Variants in CDK6 observed in about 807,000 individuals in gnomAD.
CDK6 encodes the protein cyclin dependent kinase 6.
Under a neutral mutation model 37.1 loss-of-function variants are expected in CDK6, and 6 were observed. The observed-to-expected ratio is 0.16, with a 90% confidence interval of 0.09 to 0.32. The LOEUF (loss-of-function observed/expected upper bound fraction) is 0.32, where lower values mean the gene tolerates loss of function less well. Ranked by LOEUF, CDK6 falls within the 10% of genes least tolerant of loss-of-function variation. CDK6 has a pLI of 1.00. For synonymous variants in CDK6, 160 were observed against 161.3 expected, an observed-to-expected ratio of 0.99 and a Z score of 0.06; for missense variants, 224 against 418.9, an observed-to-expected ratio of 0.53 and a Z score of 4.06.
At chr7:92,765,053 A>T (rs1799546367) in intron 3 of CDK6, among the ~76,000 whole-genome samples, 1 of 152,234 alleles carries the variant, frequency 6.6e-6, no homozygotes, top group South Asian at 2.1e-4. Flanking sequence ...AAAGATTTAA[A>T]AAAATAACTT....
At chr7:92,697,177 T>C (rs1797739651) in intron 4 of CDK6, among the ~76,000 whole-genome samples, 1 of 152,226 alleles carries the variant, frequency 6.6e-6, no homozygotes, top group South Asian at 2.1e-4. Flanking sequence ...ATAGTAATCA[T>C]AACTATCGGC....
intron 2 of CDK6, among the ~76,000 whole-genome samples, chr7:92,819,662 TA>T (rs1454741955): frequency 6.6e-6 from 1 of 151,942 alleles, no homozygotes; most frequent in Non-Finnish European, 1.5e-5. Flanking sequence ...GAAACAGAGA[TA>T]ATGTGGAGGA....
chr7:92,682,323 T>C (rs141446755), intron 4 of CDK6, among the ~76,000 whole-genome samples: 89 of 152,346 alleles, frequency 5.8e-4, no homozygotes, highest in African/African-American at 2.1e-3. Flanking sequence ...CCCCTTCAGA[T>C]GAAGGCTTTC....
Position 92,607,917 on chromosome 7 carries a change from A to C in CDK6, c.*7223T>G, listed in dbSNP as rs1178663280. 1.3e-5 allele frequency: 3 copies of C among 233,346 alleles called. No individual in the cohort carries two copies. The highest frequency in any genetic ancestry group is 2.5e-5 in the Non-Finnish European group (3 of 117,952). The allele number at this position is 233,346 out of a possible 1,614,324, so 14.5% of individuals were successfully genotyped here. On this transcript the variant is annotated 3_prime_UTR_variant, in exon 8 of 8. Transcript: ENST00000424848. The stretch of plus-strand genomic sequence containing the variant: ...ATATCATGCACTGTGAGGTTTAAGA[A>C]ATGTATTACTGCTGGGATTTGTTTT...
intron 5 of CDK6, among the ~76,000 whole-genome samples, chr7:92,636,004 A>C (rs1195582460): frequency 2.0e-5 from 3 of 152,148 alleles, no homozygotes; most frequent in Non-Finnish European, 4.4e-5. Context: ...ATTTAAATGC[A>C]ATCTATCCGT....
At chr7:92,769,695 T>C (rs1467804310) in intron 3 of CDK6, among the ~76,000 whole-genome samples, 5 of 152,172 alleles carry the variant, frequency 3.3e-5, no homozygotes, top group Admixed American at 3.3e-4. Flanking sequence ...CAGGAGAATA[T>C]TTTACATAAG....
chr7:92,821,620 A>G (rs1184230539), intron 2 of CDK6, among the ~76,000 whole-genome samples: 2 of 151,256 alleles, frequency 1.3e-5, no homozygotes, highest in Non-Finnish European at 2.9e-5. Context: ...GAACACCACA[A>G]TTTTTTTTCT....
At chr7:92,701,437 G>A (rs1490394502) in intron 4 of CDK6, among the ~76,000 whole-genome samples, 4 of 149,650 alleles carry the variant, frequency 2.7e-5, no homozygotes, top group Non-Finnish European at 5.9e-5. Flanking sequence ...ACGGAGTCTC[G>A]CTCTGTCGCC....
intron 3 of CDK6, among the ~76,000 whole-genome samples, chr7:92,748,382 T>C (rs1305314329): frequency 6.6e-6 from 1 of 152,198 alleles, no homozygotes; most frequent in Non-Finnish European, 1.5e-5. Flanking sequence ...CTGACATCAC[T>C]TTAGGCAATT....
intron 2 of CDK6, among the ~76,000 whole-genome samples, chr7:92,828,860 T>C (rs1801402454): frequency 6.6e-6 from 1 of 152,188 alleles, no homozygotes; most frequent in Non-Finnish European, 1.5e-5. Flanking sequence ...GTGAAAATGT[T>C]TATTTACTAA....
At chr7:92,762,129 A>G (rs1187698658) in intron 3 of CDK6, among the ~76,000 whole-genome samples, 1 of 152,230 alleles carries the variant, frequency 6.6e-6, no homozygotes, top group Non-Finnish European at 1.5e-5. Flanking sequence ...TACAAGATCA[A>G]TTGCTATGAT....
At chr7:92,686,878 T>C (rs902589930) in intron 4 of CDK6, among the ~76,000 whole-genome samples, 1 of 152,164 alleles carries the variant, frequency 6.6e-6, no homozygotes, top group Admixed American at 6.5e-5. Context: ...ATTAGTGATG[T>C]TGGACATTTT....
At chr7:92,751,181 G>T (rs1392036371) in intron 3 of CDK6, among the ~76,000 whole-genome samples, 3 of 152,008 alleles carry the variant, frequency 2.0e-5, no homozygotes, top group Non-Finnish European at 2.9e-5. Context: ...ATTTCTAGTG[G>T]TCTCTCATAA....
chr7:92,746,922 C>T (rs931563770), intron 3 of CDK6, among the ~76,000 whole-genome samples: 2 of 152,068 alleles, frequency 1.3e-5, no homozygotes, highest in African/African-American at 2.4e-5. Flanking sequence ...AAATCAGTAT[C>T]AATTTTGCTG....
intron 2 of CDK6, among the ~76,000 whole-genome samples, chr7:92,798,027 G>C (rs1175353499): frequency 2.0e-5 from 3 of 152,176 alleles, no homozygotes; most frequent in Non-Finnish European, 2.9e-5. Flanking sequence ...AAGTGTGCTA[G>C]GGTGGAAATT....
At chr7:92,755,563 G>A (rs970324935) in intron 3 of CDK6, among the ~76,000 whole-genome samples, 4 of 152,228 alleles carry the variant, frequency 2.6e-5, no homozygotes, top group East Asian at 1.9e-4. Flanking sequence ...AATGTGGTGC[G>A]CACAAACCAG....
chr7:92,749,767 T>C (rs1191612601), intron 3 of CDK6, among the ~76,000 whole-genome samples: 5 of 152,176 alleles, frequency 3.3e-5, no homozygotes, highest in Non-Finnish European at 7.4e-5. Flanking sequence ...GTTTACCAAA[T>C]TGAATAAAAG....
intron 3 of CDK6, among the ~76,000 whole-genome samples, chr7:92,762,555 G>A (rs1034011965): frequency 2.0e-5 from 3 of 150,854 alleles, no homozygotes; most frequent in East Asian, 1.9e-4. Context: ...CATACTAACC[G>A]TATTCATAGA....
At chr7:92,638,927 T>A (rs1195610260) in intron 5 of CDK6, among the ~76,000 whole-genome samples, 1 of 152,122 alleles carries the variant, frequency 6.6e-6, no homozygotes, top group Non-Finnish European at 1.5e-5. Flanking sequence ...GTGAAAAAAA[T>A]GTAGATCTTA....
Sources: gnomAD v4.1 joint callset for allele counts (sites outside exome capture counted in the v4.1 genomes callset) on GRCh38, gnomAD v4.1.1 for gene constraint, MANE v1.5 for transcripts, NCBI Gene and HGNC (gene_info 2026-07-23, HGNC 2026-07-21) for gene names.